The following LRP1B variants were observed in gnomAD, a reference collection of about 807,000 sequenced individuals.
LRP1B encodes the protein low-density lipoprotein receptor-related protein 1B.
In LRP1B, 217 loss-of-function variants were observed where a neutral mutation model predicts 556.6. That is an observed-to-expected ratio of 0.39 (90% CI 0.35 to 0.44). LRP1B has a LOEUF of 0.44. Ranked by LOEUF, LRP1B falls within the 20% of genes least tolerant of loss-of-function variation. LRP1B has a pLI of 1.00. For synonymous variants in LRP1B, 2,047 were observed against 1,865.8 expected (o/e 1.10, Z -2.50); for missense variants, 5,053 against 5,620.8 (o/e 0.90, Z 3.23).
At chr2:141,157,289 GATAAA>G (rs752265117) in intron 7 of LRP1B, among the ~76,000 whole-genome samples, 1 of 151,650 alleles carries the variant, frequency 6.6e-6, no homozygotes, top group Admixed American at 6.6e-5. Context: ...TTTTCTGGAT[GATAAA>G]ATAAAGTTTC....
chr2:140,232,588 A>C lies in LRP1B; in HGVS notation c.*598T>G, dbSNP rs967228857. ...GTCATCTGTGTTCATGCAAATTATT[A>C]ATTTTACATATTTTTAATTTTTTTC... is the stretch of plus-strand genomic sequence containing the variant. On this transcript the variant is annotated 3_prime_UTR_variant, in exon 91 of 91. Coordinates refer to ENST00000389484, the MANE Select transcript of LRP1B (RefSeq NM_018557.3). The C allele has an allele frequency of 6.6e-6, 1 of 151,700 alleles. No homozygotes were observed. The highest frequency in any genetic ancestry group is 1.5e-5 in the Non-Finnish European group (1 of 67,526). 9.4% of individuals were successfully genotyped at this position (151,700 alleles called of 1,614,324 possible). A position where few individuals can be genotyped will look rare whatever the true frequency, so the allele number is the denominator to read the frequency against.
intron 43 of LRP1B, among the ~76,000 whole-genome samples, chr2:140,587,153 C>A (rs1682018922): frequency 6.6e-6 from 1 of 152,046 alleles, no homozygotes; most frequent in Non-Finnish European, 1.5e-5. Flanking sequence ...TAGAAAATAG[C>A]CAGTCACAAC....
intron 2 of LRP1B, among the ~76,000 whole-genome samples, chr2:141,623,878 G>T (rs895327477): frequency 2.7e-4 from 41 of 151,374 alleles, no homozygotes; most frequent in Admixed American, 2.5e-3. Flanking sequence ...AGCCGGGCAC[G>T]GTGGCAGGTT....
intron 3 of LRP1B, among the ~76,000 whole-genome samples, chr2:141,359,031 A>T (rs1362319377): frequency 1.3e-5 from 2 of 152,126 alleles, no homozygotes; most frequent in Non-Finnish European, 2.9e-5. Flanking sequence ...ACTTTTAAAA[A>T]TGTACATACT....
chr2:141,390,725 G>A (rs1383953498), intron 3 of LRP1B, among the ~76,000 whole-genome samples: 3 of 152,190 alleles, frequency 2.0e-5, no homozygotes, highest in East Asian at 3.9e-4. Flanking sequence ...ATATTCAGAA[G>A]AGGTAAAGTC....
chr2:141,345,167 G>GA (rs770192578), intron 3 of LRP1B, among the ~76,000 whole-genome samples: 4,179 of 136,062 alleles, frequency 0.031, 75 homozygotes, highest in African/African-American at 0.057. Context: ...TAGAAGCCAG[G>GA]AAAAAAAAAA....
chr2:142,129,584 T>TTCTCTCTTTCTC (rs1707775724), intron 1 of LRP1B, among the ~76,000 whole-genome samples: 1 of 134,734 alleles, frequency 7.4e-6, no homozygotes, highest in African/African-American at 2.8e-5. Flanking sequence ...CTTTCTCTCT[T>TTCTCTCTTTCTC]TCTCTCTCTC....
intron 2 of LRP1B, among the ~76,000 whole-genome samples, chr2:141,698,008 G>A (rs1691791739): frequency 6.6e-6 from 1 of 151,896 alleles, no homozygotes; most frequent in Admixed American, 6.6e-5. Context: ...ACGGTGAGGA[G>A]GTAGCAGAGT....
chr2:140,818,633 G>A (rs541854398), intron 31 of LRP1B, among the ~76,000 whole-genome samples: 14 of 152,150 alleles, frequency 9.2e-5, no homozygotes, highest in Non-Finnish European at 1.8e-4. Context: ...GGGTTTTGCT[G>A]GGTAAAGAAT....
chr2:141,393,358 T>C (rs1166703061), intron 3 of LRP1B, among the ~76,000 whole-genome samples: 1 of 152,140 alleles, frequency 6.6e-6, no homozygotes, highest in Admixed American at 6.6e-5. Context: ...CCCTACCTTA[T>C]TTACAATTAT....
chr2:141,725,833 C>T (rs1265828491), intron 2 of LRP1B, among the ~76,000 whole-genome samples: 1 of 144,662 alleles, frequency 6.9e-6, no homozygotes, highest in African/African-American at 2.5e-5. Flanking sequence ...AGATATTTGG[C>T]ATTGATAATT....
intron 77 of LRP1B, among the ~76,000 whole-genome samples, chr2:140,338,751 GA>G (rs1250676532): frequency 6.6e-6 from 1 of 151,712 alleles, no homozygotes. Flanking sequence ...GACATTCTGA[GA>G]GTGGAAATGA....
At chr2:140,444,158 C>G (rs1686550366) in intron 65 of LRP1B, among the ~76,000 whole-genome samples, 172 bp downstream of exon 65, 1 of 152,128 alleles carries the variant, frequency 6.6e-6, no homozygotes, top group African/African-American at 2.4e-5. Flanking sequence ...TTCATTTTCT[C>G]TATATTTTTA....
chr2:140,276,921 G>GA (rs1682696266), intron 84 of LRP1B, among the ~76,000 whole-genome samples: 1 of 151,862 alleles, frequency 6.6e-6, no homozygotes, highest in Admixed American at 6.6e-5. Context: ...ATGGGAACTA[G>GA]AAAATGTAAG....
At chr2:142,101,692 A>G (rs1021238564) in intron 1 of LRP1B, among the ~76,000 whole-genome samples, 3 of 152,122 alleles carry the variant, frequency 2.0e-5, no homozygotes, top group South Asian at 4.1e-4. Flanking sequence ...ATCAGGCTCA[A>G]ACTTTGAAAG....
intron 20 of LRP1B, among the ~76,000 whole-genome samples, chr2:140,934,587 C>T (rs1020861824): frequency 6.6e-6 from 1 of 152,112 alleles, no homozygotes; most frequent in African/African-American, 2.4e-5. Flanking sequence ...CTCAGACCCC[C>T]GTTCTATGGC....
intron 23 of LRP1B, chr2:140,898,771 G>T: frequency 1.7e-6 from 1 of 580,232 alleles, no homozygotes; most frequent in East Asian, 4.9e-5. Flanking sequence ...AGCCTCTCTG[G>T]GAACCAACTG....
chr2:141,323,254 C>T (rs1337434406), intron 3 of LRP1B, among the ~76,000 whole-genome samples: 1 of 151,880 alleles, frequency 6.6e-6, no homozygotes, highest in African/African-American at 2.4e-5. Context: ...TCCATAGTAC[C>T]TTCAATCTCA....
chr2:140,464,218 A>C (rs183045601), intron 60 of LRP1B, among the ~76,000 whole-genome samples: 95 of 151,268 alleles, frequency 6.3e-4, no homozygotes, highest in Middle Eastern at 3.4e-3. Context: ...AATAATAATA[A>C]ATAAAATAAA....
Sources: allele counts gnomAD v4.1 joint callset (sites outside exome capture counted in the v4.1 genomes callset), GRCh38; gene constraint gnomAD v4.1.1; transcripts MANE v1.5; gene names NCBI Gene and HGNC (gene_info 2026-07-23, HGNC 2026-07-21).